Variants in LMO7 observed in about 807,000 individuals in gnomAD.
LMO7 encodes LIM domain 7, also known as LIM domain only protein 7.
Under a neutral mutation model 206.5 loss-of-function variants are expected in LMO7, and 120 were observed. The ratio of observed to expected loss-of-function variants is 0.58; its 90% CI spans 0.50 to 0.68. The LOEUF is 0.68. LMO7 is among the 30% of genes least tolerant of loss of function. LMO7 has a pLI of 0.00. For missense variants in LMO7, 1,959 were observed against 1,957.9 expected (o/e 1.00, Z -0.01); for synonymous variants, 706 against 681.5 (o/e 1.04, Z -0.56).
intron 1 of LMO7, among the ~76,000 whole-genome samples, chr13:75,709,593 C>G (rs1160074893): frequency 6.6e-6 from 1 of 152,152 alleles, no homozygotes; most frequent in Non-Finnish European, 1.5e-5. Context: ...GCATAAATGT[C>G]TTCTTTTGAG....
chr13:75,726,333 CT>C (rs1159336937), intron 2 of LMO7, among the ~76,000 whole-genome samples: 7 of 151,914 alleles, frequency 4.6e-5, no homozygotes, highest in Non-Finnish European at 8.8e-5. Flanking sequence ...AGCTGAGTTT[CT>C]TTTTTATAGA....
Position 75,858,844 on chromosome 13 carries a change from AC to A in LMO7, c.*902del. 1 of 152,222 alleles carries A rather than the reference AC, an allele frequency of 6.6e-6. No homozygotes were observed. Among genetic ancestry groups the A allele is most frequent in the Non-Finnish European group, 1.5e-5 (1 of 68,024 alleles). The allele number at this position is 152,222 out of a possible 1,614,324, so 9.4% of individuals were successfully genotyped here. On this transcript the variant is annotated 3_prime_UTR_variant, in exon 31 of 31. Transcript: ENST00000377534. ...AAAGTGTATACTTTGACAAATTTTG[AC>A]ATGGTGTATACCTTCGAAACTATGC...
chr13:75,839,973 AGTATACT>A, intron 20 of LMO7, 105 bp from the exon 21 acceptor site: 1 of 916,106 alleles, frequency 1.1e-6, no homozygotes. Flanking sequence ...ATTGTCACTT[AGTATACT>A]GGCATAGAGA....
At chr13:75,670,871 T>C (rs1414417861) in intron 1 of LMO7, among the ~76,000 whole-genome samples, 28 of 152,094 alleles carry the variant, frequency 1.8e-4, no homozygotes, top group Admixed American at 1.8e-3. Context: ...TTTTTGACTC[T>C]TGTAATGACA....
chr13:75,649,846 G>A (rs1220052813), intron 1 of LMO7, among the ~76,000 whole-genome samples: 3 of 152,164 alleles, frequency 2.0e-5, no homozygotes, highest in Non-Finnish European at 4.4e-5. Context: ...GATGTACACT[G>A]CTCTGTTTTA....
chr13:75,727,524 A>G (rs1398557066), intron 3 of LMO7, among the ~76,000 whole-genome samples: 4 of 152,122 alleles, frequency 2.6e-5, no homozygotes, highest in African/African-American at 9.6e-5. Flanking sequence ...GTATCATTTC[A>G]GAAAAATTTA....
chr13:75,765,401 G>A (rs1315893527), intron 4 of LMO7, among the ~76,000 whole-genome samples: 1 of 124,762 alleles, frequency 8.0e-6, no homozygotes, highest in African/African-American at 3.1e-5. Context: ...CAAGCTTAAC[G>A]ATATCCAAAC....
At chr13:75,729,839 G>C (rs1224180614) in intron 3 of LMO7, among the ~76,000 whole-genome samples, 370 of 149,234 alleles carry the variant, frequency 2.5e-3, no homozygotes, top group African/African-American at 7.7e-3. Context: ...TAGCATGAAG[G>C]GTTGTTGAAT....
At position 75,737,940 on chromosome 13, in the gene LMO7, G is replaced by T. The variant is rs966979102; in HGVS notation, c.210+10842G>T. ...AGCAGAATTTTTTTGGTGTCTCTTA[G>T]TTGAGGTTCCCAAAGAGGAATCTGA... On this transcript the variant is annotated intron_variant, in intron 3 of 30. Transcript: ENST00000377534. Among the ~76,000 whole-genome samples, 4 of 147,740 alleles carry T rather than the reference G, an allele frequency of 2.7e-5. No homozygotes were observed. In the East Asian group the frequency reaches 8.0e-4, roughly 30 times the overall value.
chr13:75,735,116 C>CGT (rs112512807), intron 3 of LMO7, among the ~76,000 whole-genome samples: 4,757 of 145,568 alleles, frequency 0.033, 175 homozygotes, highest in African/African-American at 0.091. Context: ...AAAAAAATTA[C>CGT]GTGTGTGTGT....
chr13:75,817,823 T>G (rs141874897), intron 12 of LMO7, among the ~76,000 whole-genome samples: 11 of 152,308 alleles, frequency 7.2e-5, no homozygotes, highest in Middle Eastern at 3.4e-3. Context: ...TTGACATATA[T>G]CCAGGTGTTT....
chr13:75,630,816 T>A (rs891228460), intron 2 of LMO7, among the ~76,000 whole-genome samples: 5 of 118,768 alleles, frequency 4.2e-5, no homozygotes, highest in African/African-American at 1.6e-4. Flanking sequence ...TCTTTTTTCT[T>A]TTTTTCTTTT....
Position 75,748,680 on chromosome 13 carries a change from CTAAG to C in LMO7, c.211-12249_211-12246del, listed in dbSNP as rs373343901. ...TTGGAGTATGAGGCAAGAGAATTGT[CTAAG>C]TAGGGAAGGGGCTCTCATAGGAGGA... On this transcript the variant is annotated intron_variant, in intron 3 of 30. Coordinates refer to ENST00000377534, the MANE Select transcript of LMO7 (RefSeq NM_001306080.2). Among the ~76,000 whole-genome samples, 260 of 152,162 alleles carry C rather than the reference CTAAG, an allele frequency of 1.7e-3. 1 individual carries two copies. Among genetic ancestry groups the C allele is most frequent in the African/African-American group, 5.3e-3 (222 of 41,504 alleles).
chr13:75,827,983 C>G (rs1413974544), intron 15 of LMO7, among the ~76,000 whole-genome samples: 2 of 152,182 alleles, frequency 1.3e-5, no homozygotes, highest in African/African-American at 4.8e-5. Flanking sequence ...AGGACCTGCT[C>G]TCTGTAAGGG....
In LMO7 at chr13:75,858,198, A is replaced by C; in HGVS notation, c.*255A>C. 1 of 375,666 alleles carries C rather than the reference A, an allele frequency of 2.7e-6. No homozygotes were observed. Among genetic ancestry groups the C allele is most frequent in the Non-Finnish European group, 4.7e-6 (1 of 210,844 alleles). The allele number at this position is 375,666 out of a possible 1,614,324, so 23.3% of individuals were successfully genotyped here. ...TTGAATTCAGCATCTTGAGAGCACA[A>C]GGGAAAAAATAAGAACCTACGAATA... On this transcript the variant is annotated 3_prime_UTR_variant, in exon 31 of 31. Transcript: ENST00000377534.
intron 4 of LMO7, among the ~76,000 whole-genome samples, chr13:75,781,932 G>C (rs1316907767): frequency 6.6e-6 from 1 of 152,118 alleles, no homozygotes; most frequent in Non-Finnish European, 1.5e-5. Flanking sequence ...CTTCTTTTGA[G>C]AAGTGTCTGT....
intron 15 of LMO7, among the ~76,000 whole-genome samples, chr13:75,824,841 A>G (rs1272646405): frequency 1.3e-5 from 2 of 152,062 alleles, no homozygotes; most frequent in South Asian, 2.1e-4. Flanking sequence ...ATATATATTT[A>G]TATATATGAC....
chr13:75,725,728 G>A (rs542658343), intron 2 of LMO7, among the ~76,000 whole-genome samples: 114 of 152,158 alleles, frequency 7.5e-4, no homozygotes, highest in Non-Finnish European at 1.4e-3. Flanking sequence ...CTAGGAAATT[G>A]CGTTGAGAGA....
upstream of LMO7, among the ~76,000 whole-genome samples, chr13:75,634,739 C>G: frequency 6.7e-6 from 1 of 150,342 alleles, no homozygotes; most frequent in East Asian, 2.0e-4. Context: ...CGAGACTCCT[C>G]AAAAACAAAC....
Sources: gnomAD v4.1 joint callset for allele counts (sites outside exome capture counted in the v4.1 genomes callset) on GRCh38, gnomAD v4.1.1 for gene constraint, MANE v1.5 for transcripts, NCBI Gene and HGNC (gene_info 2026-07-23, HGNC 2026-07-21) for gene names.